CNTN5: variants seen among roughly 807,000 people sequenced by gnomAD.
CNTN5 encodes the protein contactin-5.
CNTN5 carries 77 observed loss-of-function variants against 129.1 expected under a neutral mutation model. That is an observed-to-expected ratio of 0.60 (90% CI 0.50 to 0.72). The LOEUF (loss-of-function observed/expected upper bound fraction) is 0.72. Among genes scored for constraint, CNTN5 ranks in the 30% least tolerant of loss-of-function variants. CNTN5 has a pLI of 0.00. For synonymous variants in CNTN5, 509 were observed against 465.6 expected (o/e 1.09, Z -1.20); for missense variants, 1,478 against 1,328.8 (o/e 1.11, Z -1.75).
chr11:99,461,883 G>A (rs916245907), intron 2 of CNTN5, among the ~76,000 whole-genome samples: 6 of 152,092 alleles, frequency 3.9e-5, no homozygotes, highest in Non-Finnish European at 7.4e-5. Context: ...TATTTATCAT[G>A]ATCATAAAGT....
chr11:99,461,769 T>C (rs1350700510), intron 2 of CNTN5, among the ~76,000 whole-genome samples: 2 of 152,190 alleles, frequency 1.3e-5, no homozygotes, highest in Non-Finnish European at 2.9e-5. Context: ...AATATTCTGC[T>C]AAAGTGCTAA....
chr11:99,286,124 C>A (rs1266109193), intron 1 of CNTN5, among the ~76,000 whole-genome samples: 1 of 149,248 alleles, frequency 6.7e-6, no homozygotes, highest in East Asian at 2.0e-4. Context: ...ATTTCTATTT[C>A]TTTCTGCTTT....
At chr11:99,407,658 C>A (rs949462702) in intron 2 of CNTN5, among the ~76,000 whole-genome samples, 2 of 152,110 alleles carry the variant, frequency 1.3e-5, no homozygotes, top group African/African-American at 2.4e-5. Context: ...GTTCTTGTGG[C>A]CTAAACTGCC....
At chr11:99,182,139 A>G (rs1360848091) in intron 1 of CNTN5, among the ~76,000 whole-genome samples, 1 of 152,220 alleles carries the variant, frequency 6.6e-6, no homozygotes, top group Non-Finnish European at 1.5e-5. Flanking sequence ...CCGAAGATGC[A>G]TGAGCATCAA....
In CNTN5 at chr11:100,356,384, C is replaced by G. The variant is rs200181882; in HGVS notation, c.*164C>G. ...AGGTTAGGGGGGAAATATTACTTAT[C>G]CATCAGGTTTCTCTTTGGTTTTTGT... On this transcript the variant is annotated 3_prime_UTR_variant, in exon 25 of 25. Coordinates refer to ENST00000524871, the MANE Select transcript of CNTN5 (RefSeq NM_014361.4). 3 of 601,778 alleles carry G rather than the reference C, an allele frequency of 5.0e-6. No individual in the cohort carries two copies. Among genetic ancestry groups the G allele is most frequent in the Non-Finnish European group, 8.9e-6 (3 of 337,012 alleles). The allele number at this position is 601,778 out of a possible 1,614,324, so 37.3% of individuals were successfully genotyped here.
At chr11:100,095,038 CTGAG>C (rs1479628160) in intron 13 of CNTN5, among the ~76,000 whole-genome samples, 3 of 152,052 alleles carry the variant, frequency 2.0e-5, no homozygotes, top group Non-Finnish European at 4.4e-5. Context: ...CTCCAGTGAA[CTGAG>C]TATTTTAGGA....
chr11:99,139,258 T>C (rs1185936958), intron 1 of CNTN5, among the ~76,000 whole-genome samples: 1 of 152,104 alleles, frequency 6.6e-6, no homozygotes, highest in Non-Finnish European at 1.5e-5. Context: ...CATGACAGAA[T>C]GTGACCCCAT....
intron 3 of CNTN5, among the ~76,000 whole-genome samples, chr11:99,687,818 A>G (rs1010528325): frequency 6.6e-6 from 1 of 152,204 alleles, no homozygotes; most frequent in Non-Finnish European, 1.5e-5. Flanking sequence ...TTGTATTTCA[A>G]CAAAAGTGAA....
At chr11:99,960,548 TG>T (rs1950915928) in intron 8 of CNTN5, among the ~76,000 whole-genome samples, 1 of 152,186 alleles carries the variant, frequency 6.6e-6, no homozygotes, top group Non-Finnish European at 1.5e-5. Flanking sequence ...TATACTATAC[TG>T]GATGTGTTTT....
At chr11:99,738,652 T>TGTGTGTGTGTGTGTGG in intron 3 of CNTN5, among the ~76,000 whole-genome samples, 1 of 150,884 alleles carries the variant, frequency 6.6e-6, no homozygotes, top group Non-Finnish European at 1.5e-5. Flanking sequence ...TATGTGTGTG[T>TGTGTGTGTGTGTGTGG]AGAACCTGGA....
rs201011272 is a variant in CNTN5 at position 100,070,440 on chromosome 11, A to T, written c.1179A>T (p.Val393=). 226 of 1,612,086 alleles carry T rather than the reference A, an allele frequency of 1.4e-4. No homozygotes were observed. The highest frequency in any genetic ancestry group is 2.4e-5 in the Non-Finnish European group (28 of 1,179,004). Reference sequence around the variant, plus strand: ...TACTTACAGCCTACCCACACTGGGTAGAAAAACTGAATGATACTCAGTTAG... The same window carrying T: ...TACTTACAGCCTACCCACACTGGGTTGAAAAACTGAATGATACTCAGTTAG... ...QLQVYTYPHW[V]EKLNDTQLDS... Residue 393 remains valine (V), a synonymous_variant, in exon 11 of 25, where the codon GTA becomes GTT. Coordinates refer to ENST00000524871, the MANE Select transcript of CNTN5 (RefSeq NM_014361.4).
intron 2 of CNTN5, among the ~76,000 whole-genome samples, chr11:99,430,367 AT>A (rs1943311508): frequency 6.7e-6 from 1 of 148,374 alleles, no homozygotes; most frequent in South Asian, 2.1e-4. Context: ...ATATATATAT[AT>A]GTGTGCACGC....
intron 1 of CNTN5, among the ~76,000 whole-genome samples, chr11:99,119,720 T>C (rs1191333483): frequency 6.6e-6 from 1 of 152,130 alleles, no homozygotes; most frequent in Admixed American, 6.6e-5. Flanking sequence ...CACCCTGCTT[T>C]CCACAATGGG....
intron 2 of CNTN5, among the ~76,000 whole-genome samples, chr11:99,506,354 C>A (rs1946618672): frequency 6.6e-6 from 1 of 152,196 alleles, no homozygotes; most frequent in African/African-American, 2.4e-5. Flanking sequence ...ATCATGTGAG[C>A]ATCTTGCTCT....
intron 13 of CNTN5, among the ~76,000 whole-genome samples, chr11:100,154,853 T>A (rs2138328069): frequency 6.6e-6 from 1 of 152,166 alleles, no homozygotes; most frequent in African/African-American, 2.4e-5. Flanking sequence ...ATCCTTTGCC[T>A]ACTTTTTGAT....
At chr11:99,907,388 G>A (rs1457581507) in intron 6 of CNTN5, among the ~76,000 whole-genome samples, 5 of 151,942 alleles carry the variant, frequency 3.3e-5, no homozygotes, top group African/African-American at 7.2e-5. Context: ...GCAGAGCACC[G>A]TCAGGAGGTT....
intron 3 of CNTN5, among the ~76,000 whole-genome samples, chr11:99,819,326 TC>T: frequency 1.0e-5 from 1 of 98,118 alleles, no homozygotes; most frequent in Middle Eastern, 4.2e-3. Flanking sequence ...TCCCCTCCCC[TC>T]CCCTCCCCTC....
chr11:99,845,187 T>C lies in CNTN5; in HGVS notation c.502T>C (p.Ser168Pro). Residue 168 changes from serine to proline, a missense_variant, in exon 6 of 25, where the codon TCT becomes CCT. Ser to Pro is a moderately conservative substitution (Grantham distance 74). Transcript: ENST00000524871. ...IISNPSEAKDSGHYQCLATNT... is the reference protein window; with the variant it reads ...IISNPSEAKDPGHYQCLATNT... ...AAGCAATCCAAGTGAAGCAAAGGAT[T>C]CTGGTCATTATCAGTGTTTAGCAAC... is the stretch of plus-strand genomic sequence containing the variant. 6.2e-7 allele frequency: 1 copy of C among 1,613,738 alleles called. No homozygotes were observed. The highest frequency in any genetic ancestry group is 1.3e-5 in the African/African-American group (1 of 74,992).
At chr11:100,211,739 C>T (rs1194165544) in intron 15 of CNTN5, among the ~76,000 whole-genome samples, 1 of 152,106 alleles carries the variant, frequency 6.6e-6, no homozygotes, top group Non-Finnish European at 1.5e-5. Flanking sequence ...AGCTCTAAGT[C>T]AGTTTGTTTG....
Sources: gnomAD v4.1 joint callset for allele counts (sites outside exome capture counted in the v4.1 genomes callset) on GRCh38, gnomAD v4.1.1 for gene constraint, MANE v1.5 for transcripts, NCBI Gene and HGNC (gene_info 2026-07-23, HGNC 2026-07-21) for gene names.